The following CDH8 variants were observed in gnomAD, a reference collection of about 807,000 sequenced individuals.
CDH8 encodes cadherin 8, also known as cadherin-8.
In CDH8, 17 loss-of-function variants were observed where a neutral mutation model predicts 68.1. That is an observed-to-expected ratio of 0.25 (90% CI 0.17 to 0.37). CDH8 has a LOEUF of 0.37. Ranked by LOEUF, CDH8 falls within the 10% of genes least tolerant of loss-of-function variation. The pLI, the probability that CDH8 is intolerant of heterozygous loss-of-function variation, is 1.00. For synonymous variants in CDH8, 372 were observed against 365.1 expected (o/e 1.02, Z -0.21); for missense variants, 763 against 999.3 (o/e 0.76, Z 3.19).
intron 2 of CDH8, among the ~76,000 whole-genome samples, chr16:62,009,088 A>G (rs1353187728): frequency 1.3e-5 from 2 of 152,134 alleles, no homozygotes; most frequent in African/African-American, 4.8e-5. Context: ...CACATTCTAA[A>G]TAAAGCTTTT....
chr16:61,822,205 C>CCTTTTTTTTTTTT (rs1962230457), intron 5 of CDH8, among the ~76,000 whole-genome samples: 1 of 45,630 alleles, frequency 2.2e-5, no homozygotes, highest in African/African-American at 1.1e-4. Context: ...AAAAACGCAC[C>CCTTTTTTTTTTTT]TTTTTTTTTT....
At chr16:61,949,447 C>G (rs563497090) in intron 2 of CDH8, among the ~76,000 whole-genome samples, 204 of 152,218 alleles carry the variant, frequency 1.3e-3, no homozygotes, top group African/African-American at 4.7e-3. Flanking sequence ...CAGCCAGCAG[C>G]AGCAACCTGC....
At chr16:61,742,460 G>C (rs1959901615) in intron 8 of CDH8, among the ~76,000 whole-genome samples, 1 of 151,980 alleles carries the variant, frequency 6.6e-6, no homozygotes, top group Non-Finnish European at 1.5e-5. Flanking sequence ...TTCACCACTA[G>C]ATCTGATATT....
intron 10 of CDH8, among the ~76,000 whole-genome samples, chr16:61,675,443 C>G (rs1341871766): frequency 6.0e-4 from 58 of 96,558 alleles, no homozygotes; most frequent in Non-Finnish European, 6.6e-4. Context: ...ACTCTGGGGA[C>G]TGTGGTGGGG....
chr16:61,655,510 G>T lies in CDH8; in HGVS notation c.1866C>A (p.Gly622=). 6.2e-7 allele frequency: 1 copy of T among 1,613,960 alleles called. No individual in the cohort carries two copies. Among genetic ancestry groups the T allele is most frequent in the African/African-American group, 1.3e-5 (1 of 74,986 alleles). ...AYVLPIGLSM[G]ALIAILACII... ...TGCATGCTAATATGGCAATTAAGGC[G>T]CCCATACTGAGTCCAATTGGAAGGA... Residue 622 remains glycine (G), a synonymous_variant, in exon 11 of 12, where the codon GGC becomes GGA. Coordinates refer to ENST00000577390, the MANE Select transcript of CDH8 (RefSeq NM_001796.5).
chr16:61,818,454 T>A (rs888133082), intron 6 of CDH8, among the ~76,000 whole-genome samples: 1 of 152,148 alleles, frequency 6.6e-6, no homozygotes, highest in African/African-American at 2.4e-5. Context: ...GTGAGCAGTA[T>A]AAATAGATAA....
chr16:61,829,205 T>C (rs1413974433), intron 4 of CDH8, among the ~76,000 whole-genome samples: 1 of 151,818 alleles, frequency 6.6e-6, no homozygotes, highest in East Asian at 1.9e-4. Context: ...GGTTATTATT[T>C]AGAGATATCG....
intron 10 of CDH8, among the ~76,000 whole-genome samples, chr16:61,663,188 A>C (rs950066839): frequency 1.3e-5 from 2 of 152,022 alleles, no homozygotes; most frequent in Non-Finnish European, 2.9e-5. Context: ...AATGAACAAG[A>C]GCTCTTTTCA....
At chr16:61,904,245 C>G (rs1964027737) in intron 2 of CDH8, among the ~76,000 whole-genome samples, 1 of 152,178 alleles carries the variant, frequency 6.6e-6, no homozygotes, top group Admixed American at 6.5e-5. Flanking sequence ...CAGGTCTGGC[C>G]CTCCAAGTAC....
intron 2 of CDH8, among the ~76,000 whole-genome samples, chr16:61,998,627 G>A (rs1965845458): frequency 6.6e-6 from 1 of 152,066 alleles, no homozygotes; most frequent in African/African-American, 2.4e-5. Flanking sequence ...AACAAGTCAT[G>A]CCCACTATAT....
intron 10 of CDH8, among the ~76,000 whole-genome samples, chr16:61,691,056 C>T (rs1262461716): frequency 2.0e-5 from 3 of 152,086 alleles, no homozygotes; most frequent in Non-Finnish European, 4.4e-5. Context: ...AAGCTGCTCC[C>T]ATTATCTTCG....
intron 2 of CDH8, among the ~76,000 whole-genome samples, chr16:61,948,874 A>C (rs1233028371): frequency 2.0e-5 from 3 of 152,196 alleles, no homozygotes; most frequent in Non-Finnish European, 4.4e-5. Flanking sequence ...TGGGTCACAC[A>C]AGTATACTAA....
intron 8 of CDH8, among the ~76,000 whole-genome samples, chr16:61,742,117 A>G (rs1959889475): frequency 1.3e-5 from 2 of 152,104 alleles, no homozygotes; most frequent in Admixed American, 6.6e-5. Flanking sequence ...TTGTTTTGCT[A>G]TGTAATTGAA....
At chr16:61,667,508 T>C (rs1166424165) in intron 10 of CDH8, 1 of 151,956 alleles carries the variant, frequency 6.6e-6, no homozygotes, top group Non-Finnish European at 1.5e-5. Context: ...CATTTTGGAG[T>C]GAAAATGGAC....
At chr16:61,700,276 TTG>T (rs964367176) in intron 10 of CDH8, among the ~76,000 whole-genome samples, 18 of 150,750 alleles carry the variant, frequency 1.2e-4, no homozygotes, top group African/African-American at 4.4e-4. Context: ...CTATTTTTAG[TTG>T]TTTTTTTTTT....
intron 3 of CDH8, among the ~76,000 whole-genome samples, chr16:61,882,510 C>G (rs1398830159): frequency 6.6e-6 from 1 of 152,122 alleles, no homozygotes; most frequent in African/African-American, 2.4e-5. Context: ...CTCAACAGTT[C>G]CAAAAATTTT....
At chr16:61,728,252 A>ATTT (rs5817307) in intron 8 of CDH8, among the ~76,000 whole-genome samples, 13 of 147,092 alleles carry the variant, frequency 8.8e-5, no homozygotes, top group African/African-American at 3.2e-4. Flanking sequence ...TAAAATACTC[A>ATTT]TTTTTTTTTT....
intron 4 of CDH8, among the ~76,000 whole-genome samples, chr16:61,832,941 C>G (rs569891510): frequency 2.1e-4 from 32 of 151,730 alleles, no homozygotes; most frequent in East Asian, 5.8e-4. Flanking sequence ...AATTGTCCCC[C>G]CCTTTTTTCA....
chr16:61,853,113 T>A (rs1962975296), intron 4 of CDH8, among the ~76,000 whole-genome samples: 1 of 152,080 alleles, frequency 6.6e-6, no homozygotes, highest in African/African-American at 2.4e-5. Context: ...ACCCTGATTT[T>A]GTTAAAGCTC....
Sources: allele counts gnomAD v4.1 joint callset (sites outside exome capture counted in the v4.1 genomes callset), GRCh38; gene constraint gnomAD v4.1.1; transcripts MANE v1.5; gene names NCBI Gene and HGNC (gene_info 2026-07-23, HGNC 2026-07-21).